Variants in MMP16 observed in about 807,000 individuals in gnomAD.
The protein encoded by MMP16 is matrix metallopeptidase 16, also known as matrix metalloproteinase-16.
Under a neutral mutation model 67.8 loss-of-function variants are expected in MMP16, and 12 were observed. The ratio of observed to expected loss-of-function variants is 0.18; its 90% CI spans 0.11 to 0.29. The LOEUF (loss-of-function observed/expected upper bound fraction) is 0.29. MMP16 is among the 10% of genes least tolerant of loss of function. The pLI, the probability that MMP16 is intolerant of heterozygous loss-of-function variation, is 1.00. For missense variants in MMP16, 475 were observed against 765.7 expected (o/e 0.62, Z 4.48); for synonymous variants, 249 against 255.9 (o/e 0.97, Z 0.26).
At chr8:88,235,032 T>C (rs892756470) in intron 1 of MMP16, among the ~76,000 whole-genome samples, 1 of 152,146 alleles carries the variant, frequency 6.6e-6, no homozygotes, top group South Asian at 2.1e-4. Context: ...TTCTCCATCT[T>C]CTTGAAGGAT....
At chr8:88,178,171 G>A (rs1398827990) in intron 3 of MMP16, among the ~76,000 whole-genome samples, 1 of 152,074 alleles carries the variant, frequency 6.6e-6, no homozygotes, top group Non-Finnish European at 1.5e-5. Flanking sequence ...AAACAATTCT[G>A]TTGCTTGCTT....
chr8:88,054,042 AGGTAGTTCAC>A lies in MMP16; in HGVS notation c.1373+2076_1373+2085del, dbSNP rs1305056148. On this transcript the variant is annotated intron_variant, in intron 8 of 9. Transcript: ENST00000286614. Reference sequence around the variant, plus strand: ...AACCTCCACTGATTTCACAAATTTAAGGTAGTTCACGTTTAATCCTGAAACTTAAATGTTC... The same window carrying A: ...AACCTCCACTGATTTCACAAATTTAAGTTTAATCCTGAAACTTAAATGTTC... Among the ~76,000 whole-genome samples, 6 of 152,308 alleles carry A rather than the reference AGGTAGTTCAC, an allele frequency of 3.9e-5. No individual in the cohort carries two copies. In the East Asian group the frequency reaches 1.2e-3, roughly 29 times the overall value.
At chr8:88,220,570 A>C (rs1809666690) in intron 1 of MMP16, among the ~76,000 whole-genome samples, 1 of 151,852 alleles carries the variant, frequency 6.6e-6, no homozygotes, top group Non-Finnish European at 1.5e-5. Flanking sequence ...GTAGTGTCGT[A>C]CACCATCAGC....
chr8:88,310,190 C>T (rs16880935), intron 1 of MMP16, among the ~76,000 whole-genome samples: 20,406 of 151,906 alleles, frequency 0.13, 1,847 homozygotes, highest in African/African-American at 0.23. Flanking sequence ...CAGAAAAAAA[C>T]GACGAAGTTT....
In MMP16 at chr8:88,117,862, T is replaced by C. The variant is rs980667817; in HGVS notation, c.871+838A>G. Among the ~76,000 whole-genome samples the C allele has an allele frequency of 2.6e-5, 4 of 152,200 alleles. No homozygotes were observed. The East Asian group carries it at 5.8e-4, about 22-fold the overall frequency. On this transcript the variant is annotated intron_variant, in intron 5 of 9. Coordinates refer to ENST00000286614, the MANE Select transcript of MMP16 (RefSeq NM_005941.5). The stretch of plus-strand genomic sequence containing the variant: ...GATATTAACATACAGATAGCACACA[T>C]TTGTCTTTGTATCATAAAAACAAAA...
At chr8:88,103,659 TA>T (rs1400521129) in intron 6 of MMP16, among the ~76,000 whole-genome samples, 3 of 151,828 alleles carry the variant, frequency 2.0e-5, no homozygotes, top group African/African-American at 7.2e-5. Flanking sequence ...TTATGGCTAA[TA>T]ATTTATTAGT....
chr8:88,315,576 C>A (rs1435820118), intron 1 of MMP16, among the ~76,000 whole-genome samples: 1 of 152,114 alleles, frequency 6.6e-6, no homozygotes, highest in Non-Finnish European at 1.5e-5. Context: ...ACAAACTCTG[C>A]CCATTTAAGA....
At chr8:88,312,840 T>C (rs1025790227) in intron 1 of MMP16, among the ~76,000 whole-genome samples, 2 of 152,110 alleles carry the variant, frequency 1.3e-5, no homozygotes, top group Admixed American at 6.6e-5. Flanking sequence ...TGGTGGTGCA[T>C]GCCTGTAATC....
At chr8:88,183,267 T>A (rs940791989) in intron 3 of MMP16, among the ~76,000 whole-genome samples, 1 of 152,208 alleles carries the variant, frequency 6.6e-6, no homozygotes, top group Non-Finnish European at 1.5e-5. Context: ...ATGCAAGATG[T>A]TAATAATAGG....
chr8:88,103,358 G>A (rs546638315), intron 6 of MMP16, among the ~76,000 whole-genome samples: 146 of 151,844 alleles, frequency 9.6e-4, no homozygotes, highest in African/African-American at 3.4e-3. Context: ...GAGTGGCTTG[G>A]TCATCATTTT....
intron 1 of MMP16, among the ~76,000 whole-genome samples, chr8:88,285,087 T>C (rs779345021): frequency 6.6e-6 from 1 of 152,184 alleles, no homozygotes. Context: ...CCTGACATAC[T>C]ATAAATCCCA....
intron 4 of MMP16, among the ~76,000 whole-genome samples, chr8:88,122,479 T>C (rs1807855834): frequency 6.6e-6 from 1 of 151,984 alleles, no homozygotes; most frequent in Non-Finnish European, 1.5e-5. Context: ...CTCTTAATAT[T>C]CACTTGTAGG....
intron 1 of MMP16, among the ~76,000 whole-genome samples, chr8:88,259,830 C>A (rs369764569): frequency 6.6e-6 from 1 of 152,072 alleles, no homozygotes; most frequent in Non-Finnish European, 1.5e-5. Context: ...TACTGAGCAC[C>A]CTGCCTCACG....
chr8:88,205,452 G>A (rs926047460), intron 1 of MMP16, among the ~76,000 whole-genome samples: 1 of 152,142 alleles, frequency 6.6e-6, no homozygotes, highest in Non-Finnish European at 1.5e-5. Flanking sequence ...ACCATGAAAG[G>A]GCACTGAGCT....
intron 4 of MMP16, among the ~76,000 whole-genome samples, chr8:88,142,013 G>A (rs2118503504): frequency 6.6e-6 from 1 of 152,014 alleles, no homozygotes; most frequent in South Asian, 2.1e-4. Flanking sequence ...CACCTCCTGG[G>A]TTCAAGCAAT....
chr8:88,148,986 G>A lies in MMP16; in HGVS notation c.709+18683C>T, dbSNP rs570002543. The stretch of plus-strand genomic sequence containing the variant: ...CATTAGGGAGTGCCAGACAGTGGGC[G>A]CAGGCCAGTGGGTGCGCGCACCGGG... On this transcript the variant is annotated intron_variant, in intron 4 of 9. Coordinates refer to ENST00000286614, the MANE Select transcript of MMP16 (RefSeq NM_005941.5). 2.0e-3 allele frequency among the ~76,000 whole-genome samples: 305 copies of A among 152,320 alleles called. 2 individuals carry two copies. Among genetic ancestry groups the A allele is most frequent in the East Asian group, 1.4e-3 (7 of 5,152 alleles).
chr8:88,245,867 T>C (rs1017178046), intron 1 of MMP16, among the ~76,000 whole-genome samples: 3 of 152,216 alleles, frequency 2.0e-5, no homozygotes, highest in African/African-American at 7.2e-5. Flanking sequence ...CAAATAATCA[T>C]TATAAAGCTA....
intron 5 of MMP16, 85 bp downstream of exon 5, chr8:88,118,615 A>G (rs1269494137): frequency 2.0e-5 from 24 of 1,224,550 alleles, no homozygotes; most frequent in Non-Finnish European, 2.8e-5. Context: ...TGTTATACTT[A>G]GAGCATCTAT....
intron 6 of MMP16, among the ~76,000 whole-genome samples, chr8:88,108,802 C>T (rs1809285469): frequency 1.3e-5 from 2 of 151,330 alleles, no homozygotes. Flanking sequence ...GAGAGTAATG[C>T]TTTTCCAATA....
Sources: gnomAD v4.1 joint callset for allele counts (sites outside exome capture counted in the v4.1 genomes callset) on GRCh38, gnomAD v4.1.1 for gene constraint, MANE v1.5 for transcripts, NCBI Gene and HGNC (gene_info 2026-07-23, HGNC 2026-07-21) for gene names.